RBMS3: variants seen among roughly 807,000 people sequenced by gnomAD.
The protein encoded by RBMS3 is RNA binding motif single stranded interacting protein 3.
A neutral mutation model predicts 66.8 loss-of-function variants in RBMS3; 27 were observed. The ratio of observed to expected loss-of-function variants is 0.40; its 90% CI spans 0.30 to 0.56. RBMS3 has a LOEUF of 0.56. Among genes scored for constraint, RBMS3 ranks in the 20% least tolerant of loss-of-function variants. The pLI is 0.40. For synonymous variants in RBMS3, 188 were observed against 183.0 expected, an observed-to-expected ratio of 1.03 and a Z score of -0.22; for missense variants, 513 against 549.5, an observed-to-expected ratio of 0.93 and a Z score of 0.66.
chr3:29,584,362 A>G (rs570216882), intron 3 of RBMS3, among the ~76,000 whole-genome samples: 4 of 151,910 alleles, frequency 2.6e-5, no homozygotes, highest in East Asian at 3.9e-4. Flanking sequence ...CTAATCCTGG[A>G]CCTATTTCTT....
chr3:29,313,678 A>G (rs2125472607), intron 1 of RBMS3, among the ~76,000 whole-genome samples: 1 of 151,816 alleles, frequency 6.6e-6, no homozygotes, highest in East Asian at 1.9e-4. Flanking sequence ...CTTATGGTAC[A>G]CAGACTTCAG....
At position 29,916,061 on chromosome 3, in the gene RBMS3, A is replaced by G. The variant is rs79130407; in HGVS notation, c.939+16306A>G. Among the ~76,000 whole-genome samples the G allele has an allele frequency of 3.6e-3, 545 of 152,158 alleles. 8 individuals are homozygous for G. The East Asian group carries it at 0.049, about 14-fold the overall frequency. ...TTGATCCTGTCCATTTCTATTACAC[A>G]TGGTCAGGCATATGATGAGAAATGT... is the stretch of plus-strand genomic sequence containing the variant. On this transcript the variant is annotated intron_variant, in intron 10 of 14. Transcript: ENST00000383767.
At chr3:29,799,692 A>G (rs961761555) in intron 6 of RBMS3, among the ~76,000 whole-genome samples, 1 of 152,170 alleles carries the variant, frequency 6.6e-6, no homozygotes, top group Non-Finnish European at 1.5e-5. Flanking sequence ...TAAAGTATAC[A>G]CTTCATTAAA....
At chr3:29,538,013 AATAAT>A (rs1170195717) in intron 3 of RBMS3, among the ~76,000 whole-genome samples, 22 of 152,164 alleles carry the variant, frequency 1.4e-4, no homozygotes, top group Non-Finnish European at 2.6e-4. Flanking sequence ...ACAGGGAGCA[AATAAT>A]TTTATATCTT....
intron 4 of RBMS3, among the ~76,000 whole-genome samples, chr3:29,737,974 A>C (rs1412747460): frequency 6.6e-6 from 1 of 152,130 alleles, no homozygotes; most frequent in Non-Finnish European, 1.5e-5. Context: ...CATCTTTTCC[A>C]GATTGATTAT....
intron 6 of RBMS3, among the ~76,000 whole-genome samples, chr3:29,794,507 A>G (rs891427681): frequency 2.2e-4 from 33 of 151,966 alleles, no homozygotes; most frequent in African/African-American, 7.2e-4. Context: ...AATGGCGTGA[A>G]CCCGGGAGGC....
At chr3:29,448,755 C>T (rs1005646448) in intron 2 of RBMS3, among the ~76,000 whole-genome samples, 2 of 152,156 alleles carry the variant, frequency 1.3e-5, no homozygotes, top group East Asian at 3.9e-4. Context: ...ACTAGGCCTC[C>T]CGTTACAAGT....
chr3:29,453,271 A>G (rs1403487873), intron 2 of RBMS3, among the ~76,000 whole-genome samples: 1 of 152,198 alleles, frequency 6.6e-6, no homozygotes, highest in South Asian at 2.1e-4. Context: ...TAGGTAAAGA[A>G]AACTGGGACT....
At chr3:29,881,132 T>G (rs765897652) in intron 7 of RBMS3, among the ~76,000 whole-genome samples, 65 of 152,064 alleles carry the variant, frequency 4.3e-4, no homozygotes, top group Non-Finnish European at 2.8e-4. Flanking sequence ...CCTTTCCATT[T>G]TTATTTACAC....
intron 4 of RBMS3, among the ~76,000 whole-genome samples, chr3:29,607,667 T>C (rs1012315039): frequency 2.0e-5 from 3 of 151,950 alleles, no homozygotes; most frequent in Non-Finnish European, 2.9e-5. Flanking sequence ...CCAAATACCT[T>C]TACTAGAAAG....
chr3:29,540,295 T>C (rs2045710244), intron 3 of RBMS3, among the ~76,000 whole-genome samples: 2 of 152,220 alleles, frequency 1.3e-5, no homozygotes, highest in South Asian at 4.1e-4. Context: ...TGATATATTA[T>C]GACAACAGAA....
At chr3:29,465,647 CT>C (rs1188061476) in intron 2 of RBMS3, among the ~76,000 whole-genome samples, 1 of 151,356 alleles carries the variant, frequency 6.6e-6, no homozygotes, top group East Asian at 1.9e-4. Flanking sequence ...CTGAAAAATA[CT>C]TTCAGTTGCA....
intron 6 of RBMS3, among the ~76,000 whole-genome samples, chr3:29,867,590 G>T (rs1318509860): frequency 6.7e-6 from 1 of 148,472 alleles, no homozygotes; most frequent in Non-Finnish European, 1.5e-5. Context: ...ACCTGGGCAT[G>T]TTCACATATC....
At chr3:29,913,685 A>G (rs994008385) in intron 10 of RBMS3, among the ~76,000 whole-genome samples, 1 of 151,992 alleles carries the variant, frequency 6.6e-6, no homozygotes, top group Non-Finnish European at 1.5e-5. Context: ...GAGAAGAGAA[A>G]CCTTTTATCA....
intron 4 of RBMS3, among the ~76,000 whole-genome samples, chr3:29,671,403 A>G (rs2050994786): frequency 6.6e-6 from 1 of 152,224 alleles, no homozygotes; most frequent in Admixed American, 6.5e-5. Context: ...CCTCGCTAGC[A>G]ATAGAACAAA....
At chr3:29,417,949 T>C (rs917893044) in intron 1 of RBMS3, among the ~76,000 whole-genome samples, 1 of 152,162 alleles carries the variant, frequency 6.6e-6, no homozygotes, top group African/African-American at 2.4e-5. Flanking sequence ...ACACATAAGA[T>C]GTGTTCTTGA....
At chr3:29,571,368 T>G (rs549927804) in intron 3 of RBMS3, among the ~76,000 whole-genome samples, 1 of 151,876 alleles carries the variant, frequency 6.6e-6, no homozygotes, top group African/African-American at 2.4e-5. Context: ...GTTGCCTGTG[T>G]TTCTCCAATG....
chr3:29,813,637 C>G lies in RBMS3; in HGVS notation c.637+50648C>G, dbSNP rs534867796. On this transcript the variant is annotated intron_variant, in intron 6 of 14. Coordinates refer to ENST00000383767, the MANE Select transcript of RBMS3 (RefSeq NM_001003793.3). ...GCATGGAATGTTCTTCCATTTGTTT[C>G]TATCCTCTTTTTTTTCGTTGAGCCG... Among the ~76,000 whole-genome samples, 19 of 152,144 alleles carry G rather than the reference C, an allele frequency of 1.2e-4. No homozygotes were observed. The East Asian group carries it at 2.9e-3, about 23-fold the overall frequency.
intron 11 of RBMS3, among the ~76,000 whole-genome samples, chr3:29,937,246 T>C (rs2061290422): frequency 6.6e-6 from 1 of 151,990 alleles, no homozygotes; most frequent in South Asian, 2.1e-4. Flanking sequence ...TGATCATATA[T>C]GGGTCCCTTT....
Sources: gnomAD v4.1 joint callset for allele counts (sites outside exome capture counted in the v4.1 genomes callset) on GRCh38, gnomAD v4.1.1 for gene constraint, MANE v1.5 for transcripts, NCBI Gene and HGNC (gene_info 2026-07-23, HGNC 2026-07-21) for gene names.